Variants in KLHDC3 observed in about 807,000 individuals in gnomAD.
KLHDC3 encodes the protein kelch domain-containing protein 3.
KLHDC3 carries 5 observed loss-of-function variants against 44.1 expected under a neutral mutation model. The ratio of observed to expected loss-of-function variants is 0.11; its 90% CI spans 0.06 to 0.24. The LOEUF (loss-of-function observed/expected upper bound fraction) is 0.24, where lower values mean the gene tolerates loss of function less well. Among genes scored for constraint, KLHDC3 ranks in the 10% least tolerant of loss-of-function variants. The probability of loss-of-function intolerance (pLI) is 1.00; values close to 1 mark genes in which losing one functional copy is unlikely to be tolerated. For missense variants in KLHDC3, 247 were observed against 514.3 expected (o/e 0.48, Z 5.03); for synonymous variants, 170 against 189.0 (o/e 0.90, Z 0.82).
chr6:43,017,270 A>G lies in KLHDC3; in HGVS notation c.78A>G (p.Val26=). 3 of 1,614,174 alleles carry G rather than the reference A, an allele frequency of 1.9e-6. No homozygotes were observed. The highest frequency in any genetic ancestry group is 2.5e-6 in the Non-Finnish European group (3 of 1,180,010). ...CTGCAGTGGCTGTCGGGCATCGGGT[A>G]TACTCCTTCGGGGGTTACTGCTCTG... The part of the protein sequence containing the change: ...NHAAVAVGHR[V]YSFGGYCSGE... Residue 26 remains valine (V), a synonymous_variant, in exon 2 of 11, where the codon GTA becomes GTG. Coordinates refer to ENST00000326974, the MANE Select transcript of KLHDC3 (RefSeq NM_057161.4). This position sits in a 1 kb window ranked among gnomAD's most constrained non-coding sequence, Gnocchi z 6.0.
intron 9 of KLHDC3, 44 bp from the exon 10 acceptor site, chr6:43,019,244 T>C (rs371880247): frequency 4.5e-6 from 7 of 1,564,364 alleles, no homozygotes; most frequent in South Asian, 1.1e-5. Flanking sequence ...CTGGATCCTT[T>C]CCTCACCTTT....
At position 43,017,979 on chromosome 6, in the gene KLHDC3, G is replaced by A. The variant is rs761892720; in HGVS notation, c.447+11G>A. 16 of 1,603,146 alleles carry A rather than the reference G, an allele frequency of 1.0e-5. No individual in the cohort carries two copies. The highest frequency in any genetic ancestry group is 1.7e-5 in the Admixed American group (1 of 59,982). On this transcript the variant is annotated intron_variant, in intron 4 of 10. Coordinates refer to ENST00000326974, the MANE Select transcript of KLHDC3 (RefSeq NM_057161.4). This position sits in a 1 kb window ranked among gnomAD's most constrained non-coding sequence, Gnocchi z 6.0. ...GGCTACGAGCAGCAGGTAGGTCTGG[G>A]AATAAAATAAGAGGTTTAGGGTGGG...
Position 43,018,251 on chromosome 6 carries a change from C to A in KLHDC3, c.519+35C>A. The A allele has an allele frequency of 2.5e-6, 4 of 1,580,278 alleles. No homozygotes were observed. Among genetic ancestry groups the A allele is most frequent in the Non-Finnish European group, 3.5e-6 (4 of 1,149,714 alleles). The stretch of plus-strand genomic sequence containing the variant: ...TTCTTTTTTTTCCCAAATCCCCACC[C>A]TCTGTTGAAGCAATGATAGGAAGCT... On this transcript the variant is annotated intron_variant, in intron 5 of 10. Coordinates refer to ENST00000326974, the MANE Select transcript of KLHDC3 (RefSeq NM_057161.4). This position sits in a 1 kb window ranked among gnomAD's most constrained non-coding sequence, Gnocchi z 6.0.
In KLHDC3 at chr6:43,020,855, C is replaced by A; in HGVS notation, c.*122C>A. 1.3e-6 allele frequency: 1 copy of A among 784,098 alleles called. No individual in the cohort carries two copies. The highest frequency in any genetic ancestry group is 2.2e-6 in the Non-Finnish European group (1 of 447,176). The allele number at this position is 784,098 out of a possible 1,614,324, so 48.6% of individuals were successfully genotyped here. On this transcript the variant is annotated 3_prime_UTR_variant, in exon 11 of 11. Transcript: ENST00000326974. ...TATACCTCCATGTGGAGTTGTTGGG[C>A]GAGAGGTGTTCTCTGTGCTGTGAAT...
chr6:43,017,956 C>T lies in KLHDC3; in HGVS notation c.435C>T (p.Gly145=). The T allele has an allele frequency of 6.2e-7, 1 of 1,612,922 alleles. No homozygotes were observed. The highest frequency in any genetic ancestry group is 8.5e-7 in the Non-Finnish European group (1 of 1,179,098). Reference sequence around the variant, plus strand: ...GCAAGATCATGTACATTTTTGGGGGCTACGAGCAGCAGGTAGGTCTGGGAA... The same window carrying T: ...GCAAGATCATGTACATTTTTGGGGGTTACGAGCAGCAGGTAGGTCTGGGAA... ...VLGKIMYIFG[G]YEQQADCFSN... Residue 145 remains glycine (G), a synonymous_variant, in exon 4 of 11, where the codon GGC becomes GGT. Transcript: ENST00000326974. The surrounding 1 kb of genome is among the most constrained non-coding windows in gnomAD (Gnocchi z 6.0).
rs768698366 is a variant in KLHDC3, at chr6:43,021,092, C to T, written c.*359C>T. The stretch of plus-strand genomic sequence containing the variant: ...TGAGCCTCAGGAGCTTCCCCCTCCC[C>T]CTTTGCCTATCCCCTCCCCTCTGCT... On this transcript the variant is annotated 3_prime_UTR_variant, in exon 11 of 11. Transcript: ENST00000326974. 3 of 485,038 alleles carry T rather than the reference C, an allele frequency of 6.2e-6. No individual in the cohort carries two copies. 30.0% of individuals were successfully genotyped at this position (485,038 alleles called of 1,614,324 possible).
At position 43,018,027 on chromosome 6, in the gene KLHDC3, A is replaced by G. The variant is rs1239320290; in HGVS notation, c.447+59A>G. ...GGGACTGAGAAAGAGGGGAAGGGCA[A>G]TTTAGGATGGTGAAATGGGAGGCTT... On this transcript the variant is annotated intron_variant, in intron 4 of 10. Coordinates refer to ENST00000326974, the MANE Select transcript of KLHDC3 (RefSeq NM_057161.4). This position sits in a 1 kb window ranked among gnomAD's most constrained non-coding sequence, Gnocchi z 6.0. 1.5e-5 allele frequency: 22 copies of G among 1,483,456 alleles called. 1 individual carries two copies. The highest frequency in any genetic ancestry group is 1.7e-4 in the Middle Eastern group (1 of 5,790). 91.9% of individuals were successfully genotyped at this position (1,483,456 alleles called of 1,614,324 possible). A position where few individuals can be genotyped will look rare whatever the true frequency, so the allele number is the denominator to read the frequency against.
At chr6:43,015,042 G>A (rs1304795724) in intron 1 of KLHDC3, among the ~76,000 whole-genome samples, 1 of 152,108 alleles carries the variant, frequency 6.6e-6, no homozygotes, top group Non-Finnish European at 1.5e-5. Context: ...TCCACCTTTG[G>A]CTGGAATTGC....
intron 1 of KLHDC3, chr6:43,016,668 C>T (rs887445569): frequency 6.4e-6 from 1 of 157,054 alleles, no homozygotes; most frequent in Admixed American, 6.1e-5. Flanking sequence ...TGCCAGCTTT[C>T]AATGGACTGT....
intron 10 of KLHDC3, among the ~76,000 whole-genome samples, chr6:43,020,201 G>T (rs897442511): frequency 2.2e-4 from 33 of 152,074 alleles, no homozygotes; most frequent in Non-Finnish European, 2.2e-4. Context: ...ATATGGTTGG[G>T]TGGGTGGGGA....
Position 43,017,744 on chromosome 6 carries a change from TTGC to T in KLHDC3, c.331+50_331+52del. On this transcript the variant is annotated intron_variant, in intron 3 of 10. Coordinates refer to ENST00000326974, the MANE Select transcript of KLHDC3 (RefSeq NM_057161.4). This position sits in a 1 kb window ranked among gnomAD's most constrained non-coding sequence, Gnocchi z 6.0. ...TATGTCCTTCCAGATGTTGCCTCAGTTGCCCAAGAAAGGTTTGGGTTGGGGGTC... is the reference window on the plus strand; with the variant it reads ...TATGTCCTTCCAGATGTTGCCTCAGTCCAAGAAAGGTTTGGGTTGGGGGTC... 1 of 1,602,872 alleles carries T rather than the reference TTGC, an allele frequency of 6.2e-7. No individual in the cohort carries two copies. The highest frequency in any genetic ancestry group is 2.2e-5 in the East Asian group (1 of 44,716).
In KLHDC3 at chr6:43,018,744, G is replaced by T; in HGVS notation, c.820+25G>T. 6 of 1,602,452 alleles carry T rather than the reference G, an allele frequency of 3.7e-6. No individual in the cohort carries two copies. The highest frequency in any genetic ancestry group is 5.1e-6 in the Non-Finnish European group (6 of 1,169,394). On this transcript the variant is annotated intron_variant, in intron 7 of 10. Coordinates refer to ENST00000326974, the MANE Select transcript of KLHDC3 (RefSeq NM_057161.4). The surrounding 1 kb of genome is among the most constrained non-coding windows in gnomAD (Gnocchi z 6.0). ...GGTAAAGAGCACTGCATTTAGGGCA[G>T]GAACAAGGAGCAATTGAGGTGGGAG...
chr6:43,018,204 T>G lies in KLHDC3; in HGVS notation c.507T>G (p.Leu169=). 6.2e-7 allele frequency: 1 copy of G among 1,609,414 alleles called. No homozygotes were observed. The highest frequency in any genetic ancestry group is 8.5e-7 in the Non-Finnish European group (1 of 1,175,866). ...KLDTSTMTWT[L]ICTKGSPARW... ...ATACCAGCACCATGACATGGACTCT[T>G]ATCTGTACAAAGGTCTGCTCTTTCT... The change falls in exon 5 of 11, where the codon CTT becomes CTG. Residue 169 remains leucine, a synonymous_variant. Transcript: ENST00000326974. The surrounding 1 kb of genome is among the most constrained non-coding windows in gnomAD (Gnocchi z 6.0).
Position 43,017,853 on chromosome 6 carries a change from A to G in KLHDC3, c.332A>G (p.Asn111Ser), listed in dbSNP as rs756098764. Residue 111 changes from asparagine (N) to serine (S), a missense_variant and splice_region_variant, in exon 4 of 11, where the codon AAT becomes AGT. Asn to Ser is a conservative substitution (Grantham distance 46). This residue lies in a region of KLHDC3 where 176 missense variants were observed against 413.5 expected (regional missense o/e 0.43). Coordinates refer to ENST00000326974, the MANE Select transcript of KLHDC3 (RefSeq NM_057161.4). This position sits in a 1 kb window ranked among gnomAD's most constrained non-coding sequence, Gnocchi z 6.0. ...TGAGCCATTTTCTCATCTCCTTCAG[A>G]TACGCACAAGTGGTTCACACCCCGA... ...ACNVLYAFDVNTHKWFTPRVS... is the reference protein window; with the variant it reads ...ACNVLYAFDVSTHKWFTPRVS... 6.2e-7 allele frequency: 1 copy of G among 1,613,180 alleles called. No homozygotes were observed. Among genetic ancestry groups the G allele is most frequent in the South Asian group, 1.1e-5 (1 of 91,056 alleles).
In KLHDC3 at chr6:43,014,341, C is replaced by T; in HGVS notation, c.-67C>T. On this transcript the variant is annotated 5_prime_UTR_variant, in exon 1 of 11. Transcript: ENST00000326974. ...GACCCGCGGCCCCGCCCCGGCTCGG[C>T]CTGGCAGGTAGCCTGGGATGGGTAG... The T allele has an allele frequency of 6.5e-6, 4 of 615,270 alleles. No individual in the cohort carries two copies. Among genetic ancestry groups the T allele is most frequent in the South Asian group, 1.8e-5 (1 of 54,552 alleles). The allele number at this position is 615,270 out of a possible 1,614,324, so 38.1% of individuals were successfully genotyped here.
chr6:43,020,895 T>G lies in KLHDC3; in HGVS notation c.*162T>G. 1.5e-6 allele frequency: 1 copy of G among 687,538 alleles called. No homozygotes were observed. Among genetic ancestry groups the G allele is most frequent in the Non-Finnish European group, 2.6e-6 (1 of 379,322 alleles). 42.6% of individuals were successfully genotyped at this position (687,538 alleles called of 1,614,324 possible). ...GTGCTGTGAATTCAGTGGGGAGCTG[T>G]AGCGGGGTGGGGGCTAGGTTCCTCC... On this transcript the variant is annotated 3_prime_UTR_variant, in exon 11 of 11. Coordinates refer to ENST00000326974, the MANE Select transcript of KLHDC3 (RefSeq NM_057161.4).
At position 43,020,809 on chromosome 6, in the gene KLHDC3, T is replaced by C; in HGVS notation, c.*76T>C. On this transcript the variant is annotated 3_prime_UTR_variant, in exon 11 of 11. Transcript: ENST00000326974. ...CCCTGCCCATCTGTCACCCACCTGC[T>C]CCTTTGACCCCTGGACTTGGTATAC... 1 of 1,142,972 alleles carries C rather than the reference T, an allele frequency of 8.7e-7. No homozygotes were observed. The highest frequency in any genetic ancestry group is 2.4e-5 in the East Asian group (1 of 42,380). The allele number at this position is 1,142,972 out of a possible 1,614,324, so 70.8% of individuals were successfully genotyped here. A position where few individuals can be genotyped will look rare whatever the true frequency, so the allele number is the denominator to read the frequency against.
rs753780131 is a variant in KLHDC3, at chr6:43,018,228, C to A, written c.519+12C>A. 20 of 1,598,144 alleles carry A rather than the reference C, an allele frequency of 1.3e-5. No homozygotes were observed. In the African/African-American group the frequency reaches 2.7e-4, roughly 21 times the overall value. On this transcript the variant is annotated intron_variant, in intron 5 of 10. Transcript: ENST00000326974. The surrounding 1 kb of genome is among the most constrained non-coding windows in gnomAD (Gnocchi z 6.0). Reference sequence around the variant, plus strand: ...TTATCTGTACAAAGGTCTGCTCTTTCTTTTTTTTCCCAAATCCCCACCCTC... The same window carrying A: ...TTATCTGTACAAAGGTCTGCTCTTTATTTTTTTTCCCAAATCCCCACCCTC...
At chr6:43,015,971 C>G (rs1409878704) in intron 1 of KLHDC3, among the ~76,000 whole-genome samples, 2 of 151,264 alleles carry the variant, frequency 1.3e-5, no homozygotes, top group Admixed American at 6.6e-5. Context: ...GAGTCTCGCT[C>G]TGTCGCCAGA....
Sources: gnomAD v4.1 joint callset for allele counts (sites outside exome capture counted in the v4.1 genomes callset) on GRCh38, gnomAD v4.1.1 for gene constraint, gnomAD v4.1.1 regional missense constraint, Gnocchi (gnomAD v3.1) non-coding constraint, MANE v1.5 for transcripts, NCBI Gene and HGNC (gene_info 2026-07-23, HGNC 2026-07-21) for gene names.